Variants in NAV2 observed in about 807,000 individuals in gnomAD.
NAV2 encodes neuron navigator 2.
In NAV2, 54 loss-of-function variants were observed where a neutral mutation model predicts 223.2. That is an observed-to-expected ratio of 0.24 (90% confidence interval 0.19 to 0.30). The LOEUF (loss-of-function observed/expected upper bound fraction) is 0.30, where lower values mean the gene tolerates loss of function less well. Among genes scored for constraint, NAV2 ranks in the 10% least tolerant of loss-of-function variants. NAV2 has a pLI of 1.00. For synonymous variants in NAV2, 1,279 were observed against 1,239.3 expected (o/e 1.03, Z -0.67); for missense variants, 2,806 against 3,147.5 (o/e 0.89, Z 2.60).
At chr11:19,386,441 A>G (rs1214291472) in intron 1 of NAV2, among the ~76,000 whole-genome samples, 1 of 152,208 alleles carries the variant, frequency 6.6e-6, no homozygotes, top group African/African-American at 2.4e-5. Flanking sequence ...TGGATCAGGT[A>G]TAAACATCCT....
intron 11 of NAV2, among the ~76,000 whole-genome samples, chr11:19,986,645 T>G (rs10766612): frequency 1.3e-4 from 20 of 152,078 alleles, no homozygotes; most frequent in Non-Finnish European, 2.6e-4. Context: ...AAAAACAAAC[T>G]GAGTGGATAA....
chr11:19,563,251 A>G (rs1036262074), intron 1 of NAV2, among the ~76,000 whole-genome samples: 3 of 152,204 alleles, frequency 2.0e-5, no homozygotes, highest in African/African-American at 7.2e-5. Context: ...AGTCAGGACA[A>G]CACCTTCCCT....
rs1012798574 is a variant in NAV2 at position 19,533,916 on chromosome 11, C to T, written c.75+182889C>T. ...AGAGACGGGGTTTCACCGTTTTAGCCGGGATGGTCTCGATCTCCTGACCTC... is the reference window on the plus strand; with the variant it reads ...AGAGACGGGGTTTCACCGTTTTAGCTGGGATGGTCTCGATCTCCTGACCTC... On this transcript the variant is annotated intron_variant, in intron 1 of 37. Coordinates refer to the NAV2 transcript ENST00000360655. 1.7e-4 allele frequency among the ~76,000 whole-genome samples: 23 copies of T among 134,114 alleles called. 1 individual carries two copies. Among genetic ancestry groups the T allele is most frequent in the Admixed American group, 4.8e-4 (7 of 14,720 alleles). 88.0% of individuals were successfully genotyped at this position (134,114 alleles called of 152,430 possible).
chr11:19,618,495 TG>T (rs2046879782), intron 1 of NAV2, among the ~76,000 whole-genome samples: 3 of 17,586 alleles, frequency 1.7e-4, no homozygotes, highest in Non-Finnish European at 1.3e-3. Flanking sequence ...TCTGGATAGA[TG>T]GATGGATGGA....
At chr11:19,860,239 T>A (rs1293471829) in intron 3 of NAV2, among the ~76,000 whole-genome samples, 2 of 124,682 alleles carry the variant, frequency 1.6e-5, no homozygotes, top group African/African-American at 3.2e-5. Context: ...CCAGACGGGG[T>A]GGCTGCCGGG....
chr11:19,586,362 G>A (rs1174005440), intron 1 of NAV2, among the ~76,000 whole-genome samples: 1 of 152,066 alleles, frequency 6.6e-6, no homozygotes, highest in Non-Finnish European at 1.5e-5. Flanking sequence ...ATCGTCTGAA[G>A]CCTTCTTTTC....
intron 1 of NAV2, among the ~76,000 whole-genome samples, chr11:19,540,362 A>C (rs576568884): frequency 2.4e-4 from 36 of 152,366 alleles, no homozygotes; most frequent in African/African-American, 8.4e-4. Flanking sequence ...CATCAGCAAG[A>C]ATAATTGCAT....
intron 4 of NAV2, among the ~76,000 whole-genome samples, chr11:19,875,846 A>C (rs1380505676): frequency 6.6e-6 from 1 of 152,128 alleles, no homozygotes; most frequent in East Asian, 1.9e-4. Context: ...GACACCAGCG[A>C]CTGTGGCACA....
At chr11:19,745,888 T>C (rs1014959274) in intron 1 of NAV2, among the ~76,000 whole-genome samples, 1 of 152,192 alleles carries the variant, frequency 6.6e-6, no homozygotes, top group African/African-American at 2.4e-5. Context: ...CAATGGTACT[T>C]GTCCATGGTT....
intron 6 of NAV2, among the ~76,000 whole-genome samples, chr11:19,915,716 C>A (rs760033488): frequency 2.0e-5 from 3 of 152,212 alleles, no homozygotes; most frequent in Non-Finnish European, 4.4e-5. Flanking sequence ...CTATTCTCCT[C>A]TCTAGTTGTC....
chr11:19,822,277 G>A (rs551336901), intron 1 of NAV2, among the ~76,000 whole-genome samples: 34 of 152,212 alleles, frequency 2.2e-4, no homozygotes, highest in Non-Finnish European at 4.4e-4. Context: ...ATCAGGAAAT[G>A]CTTGGAGCAT....
At chr11:20,002,558 G>A (rs1446143335) in intron 11 of NAV2, among the ~76,000 whole-genome samples, 1 of 152,188 alleles carries the variant, frequency 6.6e-6, no homozygotes, top group Non-Finnish European at 1.5e-5. Context: ...GGAGTTATAG[G>A]TGGTGAGGGA....
At chr11:19,735,517 A>G (rs1470823230) in intron 1 of NAV2, among the ~76,000 whole-genome samples, 1 of 152,258 alleles carries the variant, frequency 6.6e-6, no homozygotes, top group Non-Finnish European at 1.5e-5. Flanking sequence ...CTGTGAAATC[A>G]GCACTATTAT....
intron 6 of NAV2, among the ~76,000 whole-genome samples, chr11:19,899,935 G>T (rs1175208120): frequency 6.6e-6 from 1 of 152,116 alleles, no homozygotes; most frequent in African/African-American, 2.4e-5. Context: ...GTGGGGTAGG[G>T]CCTCCCTTGG....
chr11:19,570,475 A>T (rs188979134), intron 1 of NAV2, among the ~76,000 whole-genome samples: 2 of 152,374 alleles, frequency 1.3e-5, no homozygotes, highest in African/African-American at 4.8e-5. Context: ...TCAAAATTAA[A>T]AACTTTTCTA....
At chr11:19,807,357 C>T (rs1160282386) in intron 1 of NAV2, among the ~76,000 whole-genome samples, 1 of 152,206 alleles carries the variant, frequency 6.6e-6, no homozygotes, top group East Asian at 1.9e-4. Flanking sequence ...CAGGGAGCTA[C>T]ACAGAAGACA....
intron 10 of NAV2, among the ~76,000 whole-genome samples, chr11:19,957,529 T>C (rs76782951): frequency 1.3e-5 from 2 of 152,204 alleles, no homozygotes; most frequent in East Asian, 3.9e-4. Flanking sequence ...TGGCTACTAA[T>C]ATCAGTCATC....
intron 10 of NAV2, among the ~76,000 whole-genome samples, chr11:19,975,812 T>C (rs1700042828): frequency 1.3e-5 from 2 of 152,216 alleles, no homozygotes; most frequent in South Asian, 2.1e-4. Context: ...TGCCCTGTTT[T>C]AGCAAAGTCA....
intron 11 of NAV2, among the ~76,000 whole-genome samples, chr11:20,025,941 A>G (rs868202243): frequency 5.3e-5 from 8 of 152,204 alleles, no homozygotes; most frequent in Non-Finnish European, 1.2e-4. Context: ...TCTCCCATAT[A>G]CATGGAGAGC....
Sources: allele counts gnomAD v4.1 joint callset (sites outside exome capture counted in the v4.1 genomes callset), GRCh38; gene constraint gnomAD v4.1.1; transcripts MANE v1.5; gene names NCBI Gene and HGNC (gene_info 2026-07-23, HGNC 2026-07-21).